Variants in ZNF652 observed in about 807,000 individuals in gnomAD.
ZNF652 encodes zinc finger protein 652.
ZNF652 carries 16 observed loss-of-function variants against 45.2 expected under a neutral mutation model. That is an observed-to-expected ratio of 0.35 (90% CI 0.24 to 0.54). The LOEUF is 0.54. Ranked by LOEUF, ZNF652 falls within the 20% of genes least tolerant of loss-of-function variation. ZNF652 has a pLI of 0.91. For synonymous variants in ZNF652, 250 were observed against 260.6 expected, an observed-to-expected ratio of 0.96 and a Z score of 0.39; for missense variants, 614 against 765.6, an observed-to-expected ratio of 0.80 and a Z score of 2.34.
chr17:49,313,973 C>CAAAAAAAAAAAAAAAAAAAAAAAAAAAA (rs71144595), intron 2 of ZNF652, among the ~76,000 whole-genome samples: 3 of 22,872 alleles, frequency 1.3e-4, no homozygotes, highest in Non-Finnish European at 2.2e-4. Context: ...AACTCCATCT[C>CAAAAAAAAAAAAAAAAAAAAAAAAAAAA]AAAAAAAAAA....
intron 1 of ZNF652, among the ~76,000 whole-genome samples, chr17:49,360,710 G>A (rs907640921): frequency 6.6e-6 from 1 of 151,970 alleles, no homozygotes; most frequent in African/African-American, 2.4e-5. Context: ...GCATGTGCTA[G>A]TTGCCATTCC....
At chr17:49,322,884 CAATA>C (rs372872752) in intron 1 of ZNF652, among the ~76,000 whole-genome samples, 2 of 152,070 alleles carry the variant, frequency 1.3e-5, no homozygotes, top group Non-Finnish European at 2.9e-5. Context: ...GACTCCGTCT[CAATA>C]AATAAATAAA....
chr17:49,335,210 A>C (rs1469372636), intron 1 of ZNF652, among the ~76,000 whole-genome samples: 2 of 152,226 alleles, frequency 1.3e-5, no homozygotes, highest in Non-Finnish European at 2.9e-5. Flanking sequence ...ATGTGAAAAT[A>C]AATTATGATA....
intron 1 of ZNF652, among the ~76,000 whole-genome samples, chr17:49,330,790 C>A (rs2070014623): frequency 6.6e-6 from 1 of 151,838 alleles, no homozygotes; most frequent in Admixed American, 6.6e-5. Context: ...GTGGCTGACA[C>A]CTGTAATCCC....
chr17:49,351,009 A>ATG (rs1567700228), intron 1 of ZNF652, among the ~76,000 whole-genome samples: 315 of 13,662 alleles, frequency 0.023, 14 homozygotes, highest in East Asian at 0.16. Context: ...ATATATATAT[A>ATG]TATATACACA....
intron 1 of ZNF652, among the ~76,000 whole-genome samples, chr17:49,335,902 T>C (rs1397791278): frequency 6.6e-6 from 1 of 152,200 alleles, no homozygotes; most frequent in Admixed American, 6.5e-5. Flanking sequence ...CTTAACACCA[T>C]TCCTTGGATG....
intron 5 of ZNF652, among the ~76,000 whole-genome samples, chr17:49,303,917 C>T (rs968004218): frequency 6.6e-6 from 1 of 151,946 alleles, no homozygotes. Context: ...GAGACACAGT[C>T]TCGCTCAGTC....
At chr17:49,348,457 G>A (rs1164402079) in intron 1 of ZNF652, among the ~76,000 whole-genome samples, 1 of 134,576 alleles carries the variant, frequency 7.4e-6, no homozygotes, top group Non-Finnish European at 1.5e-5. Context: ...CAGGCTGGGT[G>A]ACAGAGCAAG....
intron 5 of ZNF652, among the ~76,000 whole-genome samples, chr17:49,308,739 T>C (rs1189574437): frequency 6.6e-6 from 1 of 151,182 alleles, no homozygotes; most frequent in Non-Finnish European, 1.5e-5. Context: ...GAGGTGGAGG[T>C]TGCAATGAGT....
chr17:49,333,201 G>T (rs2070043287), intron 1 of ZNF652, among the ~76,000 whole-genome samples: 1 of 151,028 alleles, frequency 6.6e-6, no homozygotes, highest in Non-Finnish European at 1.5e-5. Flanking sequence ...GGGACTACAG[G>T]TGCCTGTCAC....
At chr17:49,311,262 A>ATC (rs1472228850) in intron 5 of ZNF652, 50 bp downstream of exon 5, 1 of 1,567,340 alleles carries the variant, frequency 6.4e-7, no homozygotes, top group Non-Finnish European at 8.7e-7. Flanking sequence ...ACAGATGATC[A>ATC]TCAACAAGTG....
In ZNF652 at chr17:49,312,724, A is replaced by G; in HGVS notation, c.1022T>C (p.Met341Thr). ...CEICEKKFYTMAHVRKHMVAH... is the reference protein window; with the variant it reads ...CEICEKKFYTTAHVRKHMVAH... ...AACCATGTGTTTCCGCACATGAGCC[A>G]TGGTATAGAATTTCTTCTCACAAAT... is the stretch of plus-strand genomic sequence containing the variant. The change falls in exon 3 of 6, where the codon ATG (methionine) becomes ACG (threonine). Residue 341 changes from methionine (M) to threonine (T), a missense_variant. Coordinates refer to ENST00000430262, the MANE Select transcript of ZNF652 (RefSeq NM_001145365.3). 6.2e-7 allele frequency: 1 copy of G among 1,613,986 alleles called. No homozygotes were observed.
chr17:49,301,533 G>A (rs2069552425), intron 5 of ZNF652, among the ~76,000 whole-genome samples: 1 of 151,996 alleles, frequency 6.6e-6, no homozygotes, highest in Admixed American at 6.6e-5. Context: ...CCTGACCTCA[G>A]GTGATCCGCC....
At chr17:49,312,677 G>A in intron 3 of ZNF652, 21 bp downstream of exon 3, 2 of 1,609,824 alleles carry the variant, frequency 1.2e-6, no homozygotes, top group Non-Finnish European at 1.7e-6. Context: ...ATAGGTATAA[G>A]AGAAAAGCAG....
chr17:49,351,198 T>C (rs1336032890), intron 1 of ZNF652, among the ~76,000 whole-genome samples: 1 of 151,846 alleles, frequency 6.6e-6, no homozygotes, highest in African/African-American at 2.4e-5. Context: ...GTATGCTTTA[T>C]GGCACAAATC....
intron 1 of ZNF652, among the ~76,000 whole-genome samples, chr17:49,336,887 T>C (rs996676900): frequency 6.6e-6 from 1 of 151,100 alleles, no homozygotes; most frequent in Admixed American, 6.6e-5. Context: ...CCCAAAATGC[T>C]GGGATTATAG....
Position 49,317,649 on chromosome 17 carries a change from T to A in ZNF652, c.77A>T (p.Asp26Val). ...AGATGGCACTTGACCACGACGGCTA[T>A]CTTCTTGTGCCATTCCTGCTACATG... ...AVHVAGMAQE[D>V]SRRGQVPSSF... Residue 26 changes from aspartate to valine, a missense_variant, in exon 2 of 6, where the codon GAT becomes GTT. By Grantham distance (152) the Asp-to-Val change is radical. Around this residue, in one of 5 missense-constraint regions of ZNF652, gnomAD observed 133 missense variants for 132.2 expected, o/e 1.01. Transcript: ENST00000430262. 6.2e-7 allele frequency: 1 copy of A among 1,613,668 alleles called. No homozygotes were observed. Among genetic ancestry groups the A allele is most frequent in the Non-Finnish European group, 8.5e-7 (1 of 1,179,604 alleles).
intron 5 of ZNF652, among the ~76,000 whole-genome samples, chr17:49,300,914 T>C (rs2069544012): frequency 6.6e-6 from 1 of 152,250 alleles, no homozygotes; most frequent in Admixed American, 6.5e-5. Flanking sequence ...CAAGTTTATA[T>C]GCTAATGGAG....
Position 49,297,410 on chromosome 17 carries a change from C to T in ZNF652, c.*1003G>A, listed in dbSNP as rs2069490763. ...TATTCAAATTTTCAAAACATGCAAGCTTTAGGTGACTTCCCTGGAAAAGGC... is the reference window on the plus strand; with the variant it reads ...TATTCAAATTTTCAAAACATGCAAGTTTTAGGTGACTTCCCTGGAAAAGGC... On this transcript the variant is annotated 3_prime_UTR_variant, in exon 6 of 6. Coordinates refer to ENST00000430262, the MANE Select transcript of ZNF652 (RefSeq NM_001145365.3). The T allele has an allele frequency of 6.6e-6, 1 of 152,492 alleles. No individual in the cohort carries two copies. Among genetic ancestry groups the T allele is most frequent in the African/African-American group, 2.4e-5 (1 of 41,416 alleles). 9.4% of individuals were successfully genotyped at this position (152,492 alleles called of 1,614,324 possible).
Sources: allele counts gnomAD v4.1 joint callset (sites outside exome capture counted in the v4.1 genomes callset), GRCh38; gene constraint gnomAD v4.1.1; regional missense constraint gnomAD v4.1.1; transcripts MANE v1.5; gene names NCBI Gene and HGNC (gene_info 2026-07-23, HGNC 2026-07-21).